The following DNAH7 variants were observed in gnomAD, a reference collection of about 807,000 sequenced individuals.
DNAH7 encodes axonemal beta dynein heavy chain 7.
A neutral mutation model predicts 444.6 loss-of-function variants in DNAH7; 397 were observed. The ratio of observed to expected loss-of-function variants is 0.89; its 90% CI spans 0.82 to 0.97. The LOEUF (loss-of-function observed/expected upper bound fraction) is 0.97. DNAH7 is among the 50% of genes least tolerant of loss of function. The probability of loss-of-function intolerance (pLI) is 0.00; values close to 1 mark genes in which losing one functional copy is unlikely to be tolerated. For missense variants in DNAH7, 4,902 were observed against 4,800.8 expected (o/e 1.02, Z -0.62); for synonymous variants, 1,636 against 1,624.4 (o/e 1.01, Z -0.17).
chr2:195,811,765 T>C (rs6743998), intron 51 of DNAH7, among the ~76,000 whole-genome samples: 102,061 of 151,798 alleles, frequency 0.67, 34,845 homozygotes, highest in Non-Finnish European at 0.73. Flanking sequence ...ATGGTCTTGA[T>C]AGAAGTGAAA....
chr2:195,817,590 G>T, intron 50 of DNAH7, 106 bp downstream of exon 50: 1 of 1,167,280 alleles, frequency 8.6e-7, no homozygotes, highest in Non-Finnish European at 1.2e-6. Flanking sequence ...ATTTTCCCTT[G>T]CAGTATTCCT....
chr2:195,990,302 T>C (rs73042554), intron 12 of DNAH7, among the ~76,000 whole-genome samples: 2,663 of 152,264 alleles, frequency 0.017, 65 homozygotes, highest in African/African-American at 0.061. Context: ...GGATATCCAA[T>C]TTTTCTGGCA....
At chr2:195,915,939 C>T (rs1687647808) in intron 24 of DNAH7, among the ~76,000 whole-genome samples, 1 of 152,174 alleles carries the variant, frequency 6.6e-6, no homozygotes, top group Admixed American at 6.5e-5. Flanking sequence ...GTTTATTTTC[C>T]ATTACTTTAG....
At chr2:195,774,574 G>A (rs867927223) in intron 60 of DNAH7, among the ~76,000 whole-genome samples, 2 of 152,198 alleles carry the variant, frequency 1.3e-5, no homozygotes, top group African/African-American at 4.8e-5. Flanking sequence ...ACAAGATTCT[G>A]GAGCCAAACT....
chr2:195,807,155 C>CT (rs758778847), intron 53 of DNAH7, among the ~76,000 whole-genome samples: 7,655 of 146,834 alleles, frequency 0.052, 288 homozygotes, highest in African/African-American at 0.11. Context: ...CACAGGCATT[C>CT]TTTTTTTTTT....
intron 42 of DNAH7, among the ~76,000 whole-genome samples, 191 bp from the exon 43 acceptor site, chr2:195,858,995 C>T (rs1240832146): frequency 6.6e-6 from 1 of 152,128 alleles, no homozygotes; most frequent in Non-Finnish European, 1.5e-5. Context: ...CAATTAAGAG[C>T]AGACAGCGTG....
intron 17 of DNAH7, among the ~76,000 whole-genome samples, chr2:195,965,302 A>G (rs1374677627): frequency 6.6e-6 from 1 of 152,230 alleles, no homozygotes; most frequent in Non-Finnish European, 1.5e-5. Context: ...CCATCCTTAC[A>G]TCCCAGGATA....
chr2:195,950,118 A>G (rs1053835433), intron 19 of DNAH7, among the ~76,000 whole-genome samples: 1 of 152,080 alleles, frequency 6.6e-6, no homozygotes, highest in Non-Finnish European at 1.5e-5. Flanking sequence ...TGGCCTCATA[A>G]ATGGGTTAGG....
At position 195,895,632 on chromosome 2, in the gene DNAH7, C is replaced by T. The variant is rs182010237; in HGVS notation, c.4648-408G>A. On this transcript the variant is annotated intron_variant, in intron 29 of 64. Transcript: ENST00000312428. ...TTCATAAATAAAACCGTCAAAATAACCAAGATAATTAACATATCCATCACT... is the reference window on the plus strand; with the variant it reads ...TTCATAAATAAAACCGTCAAAATAATCAAGATAATTAACATATCCATCACT... Among the ~76,000 whole-genome samples the T allele has an allele frequency of 3.3e-5, 5 of 152,208 alleles. No individual in the cohort carries two copies. The East Asian group carries it at 9.7e-4, about 29-fold the overall frequency.
intron 47 of DNAH7, among the ~76,000 whole-genome samples, chr2:195,836,446 G>A (rs1490780478): frequency 6.6e-6 from 1 of 151,836 alleles, no homozygotes; most frequent in African/African-American, 2.4e-5. Flanking sequence ...GCAGTGAGCT[G>A]GGATTGTGTC....
Position 195,895,138 on chromosome 2 carries a change from G to T in DNAH7, c.4734C>A (p.Ala1578=). 1 of 1,613,514 alleles carries T rather than the reference G, an allele frequency of 6.2e-7. No homozygotes were observed. The highest frequency in any genetic ancestry group is 8.5e-7 in the Non-Finnish European group (1 of 1,179,698). The change falls in exon 30 of 65, where the codon GCC becomes GCA. Residue 1578 remains alanine (A), a synonymous_variant. Transcript: ENST00000312428. ...DLLAAIKDNC[A]SMNLQMTAFF... ...ATGCAGTCATTTGCAAATTCATGGAGGCACAATTGTCTTTGATAGCTGCCA... is the reference window on the plus strand; with the variant it reads ...ATGCAGTCATTTGCAAATTCATGGATGCACAATTGTCTTTGATAGCTGCCA...
chr2:196,005,488 G>T (rs948784085), intron 10 of DNAH7, among the ~76,000 whole-genome samples: 5 of 151,816 alleles, frequency 3.3e-5, no homozygotes, highest in Non-Finnish European at 5.9e-5. Flanking sequence ...AGAAAAAAGA[G>T]CAAAGACTCA....
chr2:196,000,154 CA>C (rs1553602392), intron 12 of DNAH7, among the ~76,000 whole-genome samples: 1 of 151,966 alleles, frequency 6.6e-6, no homozygotes, highest in Non-Finnish European at 1.5e-5. Context: ...TTTAAAAATA[CA>C]AAAATAAGGA....
At position 195,754,317 on chromosome 2, in the gene DNAH7, C is replaced by T. The variant is rs761391266; in HGVS notation, c.11764+20G>A. 1.2e-6 allele frequency: 2 copies of T among 1,607,310 alleles called. No individual in the cohort carries two copies. Among genetic ancestry groups the T allele is most frequent in the East Asian group, 2.2e-5 (1 of 44,748 alleles). ...TTCAGTGCCCAGATATGAGCCGACT[C>T]ATTCTGTCCCTGCACTTACCATCCT... On this transcript the variant is annotated intron_variant, in intron 63 of 64. Transcript: ENST00000312428.
At chr2:195,983,479 A>T (rs1692707042) in intron 15 of DNAH7, among the ~76,000 whole-genome samples, 1 of 152,124 alleles carries the variant, frequency 6.6e-6, no homozygotes, top group Admixed American at 6.5e-5. Flanking sequence ...CAGAAGAGAA[A>T]GGAGGGGGTG....
At chr2:195,754,187 CTCTG>C in intron 63 of DNAH7, 146 bp downstream of exon 63, 1 of 807,572 alleles carries the variant, frequency 1.2e-6, no homozygotes, top group Non-Finnish European at 1.9e-6. Context: ...CTCATTTGCT[CTCTG>C]TATCTCAATA....
chr2:196,045,104 A>AAGG (rs890799579), intron 5 of DNAH7, among the ~76,000 whole-genome samples: 23 of 148,224 alleles, frequency 1.6e-4, no homozygotes, highest in African/African-American at 4.9e-4. Flanking sequence ...GGAGAAGGTG[A>AAGG]AGGAGGAGGA....
At chr2:196,011,611 A>C (rs546660944) in intron 10 of DNAH7, among the ~76,000 whole-genome samples, 1 of 152,292 alleles carries the variant, frequency 6.6e-6, no homozygotes, top group African/African-American at 2.4e-5. Context: ...ATCATTTGCT[A>C]ATTGTTTCTC....
intron 48 of DNAH7, among the ~76,000 whole-genome samples, chr2:195,830,620 C>T (rs752674929): frequency 3.2e-4 from 49 of 152,122 alleles, no homozygotes; most frequent in Non-Finnish European, 5.4e-4. Flanking sequence ...AGTGTTGGTA[C>T]TTCATTGAAG....
Sources: gnomAD v4.1 joint callset for allele counts (sites outside exome capture counted in the v4.1 genomes callset) on GRCh38, gnomAD v4.1.1 for gene constraint, MANE v1.5 for transcripts, NCBI Gene and HGNC (gene_info 2026-07-23, HGNC 2026-07-21) for gene names.